PWWP2A: variants seen among roughly 807,000 people sequenced by gnomAD.
PWWP2A encodes PWWP domain containing 2A.
A neutral mutation model predicts 48.5 loss-of-function variants in PWWP2A; 18 were observed. The ratio of observed to expected loss-of-function variants is 0.37; its 90% CI spans 0.26 to 0.55. The LOEUF is 0.55. Ranked by LOEUF, PWWP2A falls within the 20% of genes least tolerant of loss-of-function variation. The probability of loss-of-function intolerance (pLI) is 0.81; values close to 1 mark genes in which losing one functional copy is unlikely to be tolerated. For synonymous variants in PWWP2A, 396 were observed against 387.7 expected (o/e 1.02, Z -0.25); for missense variants, 867 against 976.4 (o/e 0.89, Z 1.49).
intron 1 of PWWP2A, among the ~76,000 whole-genome samples, chr5:160,106,917 A>G (rs112670064): frequency 0.013 from 1,895 of 141,646 alleles, 44 homozygotes; most frequent in African/African-American, 0.047. Flanking sequence ...TTCACCTCCC[A>G]GGCTCAAGTG....
Position 160,119,436 on chromosome 5 carries a change from G to A in PWWP2A, c.-48C>T. The stretch of plus-strand genomic sequence containing the variant: ...TCCAACTCCGGCTGCAGCGGCGGCG[G>A]CGACAGCGCTGCTTGGTTCCCTGGG... On this transcript the variant is annotated 5_prime_UTR_variant, in exon 1 of 2. Transcript: ENST00000307063. The A allele has an allele frequency of 1.5e-6, 2 of 1,353,872 alleles. No homozygotes were observed. Among genetic ancestry groups the A allele is most frequent in the Non-Finnish European group, 1.9e-6 (2 of 1,059,114 alleles). 83.9% of individuals were successfully genotyped at this position (1,353,872 alleles called of 1,614,324 possible). A position where few individuals can be genotyped will look rare whatever the true frequency, so the allele number is the denominator to read the frequency against.
intron 4 of PWWP2A, among the ~76,000 whole-genome samples, chr5:160,064,221 G>A (rs890575394): frequency 1.3e-5 from 2 of 151,220 alleles, no homozygotes; most frequent in African/African-American, 2.4e-5. Context: ...CACCCATCTC[G>A]GCCTCCCAAA....
At chr5:160,065,015 A>C (rs377412563) in intron 4 of PWWP2A, 4 of 1,613,888 alleles carry the variant, frequency 2.5e-6, no homozygotes, top group Non-Finnish European at 3.4e-6. Context: ...GGATTCCTCT[A>C]CCGGCTCGTA....
downstream of PWWP2A, chr5:160,090,666 T>C (rs796584697): frequency 6.1e-6 from 6 of 976,452 alleles, no homozygotes; most frequent in Non-Finnish European, 7.3e-6. Context: ...GACAAGACTA[T>C]TGATTTTCAA....
chr5:160,051,142 A>G, the PWWP2A span: 4 of 1,609,804 alleles, frequency 2.5e-6, no homozygotes, highest in Non-Finnish European at 3.4e-6. Context: ...TTACCTAAGC[A>G]AATTGAAGAA....
the PWWP2A span, among the ~76,000 whole-genome samples, chr5:160,045,850 C>T: frequency 2.0e-5 from 3 of 152,146 alleles, no homozygotes; most frequent in Non-Finnish European, 4.4e-5. Context: ...TCAAGCGACT[C>T]TTCTGCCTCA....
chr5:160,060,327 G>A (rs1757664428), downstream of PWWP2A, among the ~76,000 whole-genome samples: 3 of 152,214 alleles, frequency 2.0e-5, no homozygotes, highest in South Asian at 6.2e-4. Flanking sequence ...TTGGGTTATG[G>A]TGATATGCTA....
intron 1 of PWWP2A, among the ~76,000 whole-genome samples, chr5:160,104,731 G>A (rs746186267): frequency 3.3e-5 from 5 of 152,136 alleles, no homozygotes; most frequent in Non-Finnish European, 5.9e-5. Flanking sequence ...CCTGAACCCA[G>A]GAGGCAGAGT....
At chr5:160,082,331 C>CT (rs1381147722) in intron 2 of PWWP2A, among the ~76,000 whole-genome samples, 1 of 151,662 alleles carries the variant, frequency 6.6e-6, no homozygotes, top group Non-Finnish European at 1.5e-5. Flanking sequence ...GTAGTCCCAG[C>CT]TACTCGGGAG....
chr5:160,089,790 T>A (rs1754923623), downstream of PWWP2A: 2 of 985,334 alleles, frequency 2.0e-6, no homozygotes, highest in Non-Finnish European at 2.4e-6. Context: ...TTACTCCCAC[T>A]CCAAGGGGAA....
the PWWP2A span, among the ~76,000 whole-genome samples, chr5:160,052,548 CAAAAAAA>C: frequency 1.1e-3 from 74 of 68,098 alleles, no homozygotes; most frequent in Middle Eastern, 0.011. Context: ...TCTATTTTAG[CAAAAAAA>C]AAAAAAAAAA....
chr5:160,074,746 CAAAAAAACAAAA>C (rs574021665), downstream of PWWP2A, among the ~76,000 whole-genome samples: 330 of 144,386 alleles, frequency 2.3e-3, no homozygotes, highest in Admixed American at 3.9e-3. Flanking sequence ...GACTCCGTCT[CAAAAAAACAAAA>C]AAAAAAACAA....
Position 160,068,530 on chromosome 5 carries a change from C to T in PWWP2A, c.*80-1659G>A, listed in dbSNP as rs1442977810. Reference sequence around the variant, plus strand: ...AGGAGAATCGTTTGGACCCAACAGGCGGAGGTTGCAGTAAGCTGAGATCGT... The same window carrying T: ...AGGAGAATCGTTTGGACCCAACAGGTGGAGGTTGCAGTAAGCTGAGATCGT... On this transcript the variant is annotated intron_variant and NMD_transcript_variant, in intron 2 of 5. Transcript: ENST00000524050. Among the ~76,000 whole-genome samples the T allele has an allele frequency of 4.6e-5, 7 of 152,162 alleles. No homozygotes were observed. In the East Asian group the frequency reaches 5.8e-4, roughly 13 times the overall value.
chr5:160,105,251 A>C (rs954837949), intron 1 of PWWP2A, among the ~76,000 whole-genome samples: 2 of 149,238 alleles, frequency 1.3e-5, no homozygotes, highest in East Asian at 3.9e-4. Flanking sequence ...AAAAAAAAAA[A>C]AAAAAAAAAA....
intron 2 of PWWP2A, among the ~76,000 whole-genome samples, chr5:160,083,879 T>C (rs1303334467): frequency 1.3e-5 from 2 of 152,202 alleles, no homozygotes; most frequent in Non-Finnish European, 2.9e-5. Flanking sequence ...AGAGTTGAAA[T>C]ATGTTAACAC....
chr5:160,071,705 A>G (rs138978240), downstream of PWWP2A, among the ~76,000 whole-genome samples: 144 of 152,268 alleles, frequency 9.5e-4, no homozygotes, highest in Non-Finnish European at 1.6e-3. Context: ...CCTTGGCTTA[A>G]GAGGAAAGGC....
chr5:160,046,645 T>C, the PWWP2A span, among the ~76,000 whole-genome samples: 1,346 of 152,348 alleles, frequency 8.8e-3, 18 homozygotes, highest in African/African-American at 0.031. Context: ...ACCATAAATA[T>C]ACACAATTTT....
chr5:160,109,757 GAAAAAAAAAAAA>G (rs755988668), intron 1 of PWWP2A, among the ~76,000 whole-genome samples: 3 of 53,366 alleles, frequency 5.6e-5, no homozygotes, highest in African/African-American at 2.3e-4. Context: ...ATGCAACTGG[GAAAAAAAAAAAA>G]AAAAAATATA....
At chr5:160,046,381 T>C in the PWWP2A span, among the ~76,000 whole-genome samples, 1 of 152,220 alleles carries the variant, frequency 6.6e-6, no homozygotes, top group African/African-American at 2.4e-5. Flanking sequence ...TATTCATTTT[T>C]TCCCTGCTTC....
Sources: allele counts gnomAD v4.1 joint callset (sites outside exome capture counted in the v4.1 genomes callset), GRCh38; gene constraint gnomAD v4.1.1; transcripts MANE v1.5; gene names NCBI Gene and HGNC (gene_info 2026-07-23, HGNC 2026-07-21).